RASGRP3: variants seen among roughly 807,000 people sequenced by gnomAD.
The protein encoded by RASGRP3 is ras guanyl-releasing protein 3.
A neutral mutation model predicts 82.7 loss-of-function variants in RASGRP3; 54 were observed. That is an observed-to-expected ratio of 0.65 (90% confidence interval 0.52 to 0.82). RASGRP3 has a LOEUF of 0.82. Ranked by LOEUF, RASGRP3 falls within the 40% of genes least tolerant of loss-of-function variation. The pLI is 0.00. For missense variants in RASGRP3, 861 were observed against 828.9 expected (o/e 1.04, Z -0.48); for synonymous variants, 309 against 300.5 (o/e 1.03, Z -0.29).
intron 2 of RASGRP3, among the ~76,000 whole-genome samples, chr2:33,466,420 T>G (rs1272083808): frequency 6.6e-6 from 1 of 152,160 alleles, no homozygotes; most frequent in African/African-American, 2.4e-5. Context: ...GGCTCAGGCC[T>G]GTAATCCCAG....
intron 16 of RASGRP3, 141 bp from the exon 17 acceptor site, chr2:33,558,531 T>C: frequency 1.8e-6 from 2 of 1,122,296 alleles, no homozygotes; most frequent in East Asian, 2.6e-5. Context: ...AATATGTAAC[T>C]TGCCTGCGGC....
chr2:33,459,203 T>C (rs6705749), intron 2 of RASGRP3, among the ~76,000 whole-genome samples: 4,302 of 152,164 alleles, frequency 0.028, 178 homozygotes, highest in African/African-American at 0.098. Flanking sequence ...GGCGCAGTCT[T>C]GGCTCACTGC....
intron 2 of RASGRP3, among the ~76,000 whole-genome samples, chr2:33,451,625 C>T (rs893044047): frequency 6.6e-5 from 10 of 151,782 alleles, no homozygotes; most frequent in Admixed American, 5.2e-4. Flanking sequence ...CGTAAGGGTT[C>T]GATTTCATTT....
intron 10 of RASGRP3, among the ~76,000 whole-genome samples, chr2:33,529,285 G>C (rs1672868209): frequency 6.6e-6 from 1 of 151,740 alleles, no homozygotes; most frequent in African/African-American, 2.4e-5. Context: ...ACAAGGTCAG[G>C]AGATCGAGAC....
At chr2:33,558,446 A>T in intron 16 of RASGRP3, 110 bp downstream of exon 16, 1 of 1,521,230 alleles carries the variant, frequency 6.6e-7, no homozygotes, top group Non-Finnish European at 8.9e-7. Flanking sequence ...CTAAACGCTA[A>T]GGCCTTCTTT....
chr2:33,443,047 T>G (rs1665311816), intron 1 of RASGRP3, among the ~76,000 whole-genome samples: 1 of 152,234 alleles, frequency 6.6e-6, no homozygotes, highest in Non-Finnish European at 1.5e-5. Context: ...CGCCTCCCTG[T>G]GCACATAGCT....
At chr2:33,560,982 A>T (rs562933806) in intron 17 of RASGRP3, among the ~76,000 whole-genome samples, 5 of 152,272 alleles carry the variant, frequency 3.3e-5, no homozygotes, top group South Asian at 4.1e-4. Flanking sequence ...CTGGGTTTTT[A>T]AAAAAATTTA....
At chr2:33,517,927 T>C (rs1159789457) in intron 4 of RASGRP3, among the ~76,000 whole-genome samples, 1 of 152,222 alleles carries the variant, frequency 6.6e-6, no homozygotes, top group Non-Finnish European at 1.5e-5. Flanking sequence ...TCCTTGCTCA[T>C]GCTATATCCA....
Position 33,450,818 on chromosome 2 carries a change from C to CTTTT in RASGRP3, c.-261+2878_-261+2879insTTTT, listed in dbSNP as rs879744839. 1.8e-3 allele frequency among the ~76,000 whole-genome samples: 80 copies of CTTTT among 43,380 alleles called. 4 individuals carry two copies. The highest frequency in any genetic ancestry group is 3.4e-3 in the East Asian group (5 of 1,476). 28.5% of individuals were successfully genotyped at this position (43,380 alleles called of 152,430 possible). On this transcript the variant is annotated intron_variant, in intron 2 of 18. Transcript: ENST00000402538. The stretch of plus-strand genomic sequence containing the variant: ...CTTTTCTTTCTTTTTCTCTTTCTTT[C>CTTTT]TTTCTTTTTTTTTTTTTTTTTTTTT...
intron 4 of RASGRP3, 181 bp downstream of exon 4, chr2:33,516,825 T>A (rs994506914): frequency 2.2e-6 from 1 of 459,848 alleles, no homozygotes. Context: ...GATAGTTGAC[T>A]CTCCATCTGG....
intron 15 of RASGRP3, 138 bp from the exon 16 acceptor site, chr2:33,558,073 A>T: frequency 1.7e-6 from 2 of 1,166,330 alleles, no homozygotes; most frequent in East Asian, 2.6e-5. Flanking sequence ...GACACACCCC[A>T]TGGGCCTGAG....
intron 2 of RASGRP3, among the ~76,000 whole-genome samples, chr2:33,512,646 C>T (rs1359784812): frequency 6.6e-6 from 1 of 152,156 alleles, no homozygotes. Flanking sequence ...CAAAAAGTCT[C>T]TTAAAAATGT....
intron 14 of RASGRP3, 98 bp downstream of exon 14, chr2:33,549,849 C>A: frequency 7.4e-7 from 1 of 1,351,110 alleles, no homozygotes; most frequent in Non-Finnish European, 1.0e-6. Context: ...TCACTGTCTG[C>A]TTTGAATCAG....
chr2:33,445,909 C>G (rs1337435936), intron 1 of RASGRP3, among the ~76,000 whole-genome samples: 1 of 152,042 alleles, frequency 6.6e-6, no homozygotes, highest in Admixed American at 6.6e-5. Flanking sequence ...TATCTTGTTT[C>G]TTAATATTGG....
chr2:33,464,607 G>T (rs1034765064), intron 2 of RASGRP3, among the ~76,000 whole-genome samples: 2 of 151,964 alleles, frequency 1.3e-5, no homozygotes, highest in African/African-American at 4.8e-5. Context: ...CGAATAGCTG[G>T]GATTACAGGC....
At chr2:33,514,581 G>A (rs1671264119) in intron 2 of RASGRP3, among the ~76,000 whole-genome samples, 1 of 151,414 alleles carries the variant, frequency 6.6e-6, no homozygotes, top group South Asian at 2.1e-4. Flanking sequence ...GCTACTTGGG[G>A]GTCAGAAGTG....
At chr2:33,547,922 T>C (rs1326804036) in intron 13 of RASGRP3, among the ~76,000 whole-genome samples, 1 of 152,036 alleles carries the variant, frequency 6.6e-6, no homozygotes, top group Admixed American at 6.6e-5. Context: ...TGTCTCCGTG[T>C]TACCTCCTGC....
At chr2:33,444,337 C>T (rs1310425337) in intron 1 of RASGRP3, among the ~76,000 whole-genome samples, 3 of 152,080 alleles carry the variant, frequency 2.0e-5, no homozygotes, top group African/African-American at 4.8e-5. Context: ...GTTGATTTAA[C>T]CAAATATATC....
chr2:33,463,946 C>T (rs1432042294), intron 2 of RASGRP3, among the ~76,000 whole-genome samples: 1 of 151,826 alleles, frequency 6.6e-6, no homozygotes, highest in East Asian at 1.9e-4. Context: ...TTTTACCATG[C>T]TGTGCTCTAT....
Sources: gnomAD v4.1 joint callset for allele counts (sites outside exome capture counted in the v4.1 genomes callset) on GRCh38, gnomAD v4.1.1 for gene constraint, MANE v1.5 for transcripts, NCBI Gene and HGNC (gene_info 2026-07-23, HGNC 2026-07-21) for gene names.